Variants in OSBPL9 observed in about 807,000 individuals in gnomAD.
OSBPL9 encodes oxysterol binding protein like 9.
A neutral mutation model predicts 106.6 loss-of-function variants in OSBPL9; 40 were observed. The ratio of observed to expected loss-of-function variants is 0.38; its 90% CI spans 0.29 to 0.49. The LOEUF (loss-of-function observed/expected upper bound fraction) is 0.49. Ranked by LOEUF, OSBPL9 falls within the 20% of genes least tolerant of loss-of-function variation. The pLI is 0.97. For missense variants in OSBPL9, 609 were observed against 887.2 expected, an observed-to-expected ratio of 0.69 and a Z score of 3.98; for synonymous variants, 269 against 295.4, an observed-to-expected ratio of 0.91 and a Z score of 0.92.
intron 1 of OSBPL9, among the ~76,000 whole-genome samples, chr1:51,651,053 T>C (rs1458514321): frequency 1.3e-5 from 2 of 151,914 alleles, no homozygotes; most frequent in African/African-American, 2.4e-5. Context: ...CCAGCAATTA[T>C]AACACAGGGT....
At chr1:51,690,027 C>T (rs1457692836) in intron 3 of OSBPL9, among the ~76,000 whole-genome samples, 1 of 152,146 alleles carries the variant, frequency 6.6e-6, no homozygotes, top group Non-Finnish European at 1.5e-5. Flanking sequence ...CATCCTATTT[C>T]TAACATTTTT....
Position 51,736,762 on chromosome 1 carries a change from G to A in OSBPL9, c.319-8774G>A, listed in dbSNP as rs141002258. Reference sequence around the variant, plus strand: ...GCTTTCCAAAATGCTCTTAATCTGAGGTTGGGGAATGGAAGAATATTTTTC... The same window carrying A: ...GCTTTCCAAAATGCTCTTAATCTGAAGTTGGGGAATGGAAGAATATTTTTC... On this transcript the variant is annotated intron_variant, in intron 4 of 23. Coordinates refer to ENST00000428468, the MANE Select transcript of OSBPL9 (RefSeq NM_024586.6). Among the ~76,000 whole-genome samples, 501 of 152,194 alleles carry A rather than the reference G, an allele frequency of 3.3e-3. 1 individual carries two copies. The highest frequency in any genetic ancestry group is 0.012 in the African/African-American group (482 of 41,538).
the OSBPL9 span, among the ~76,000 whole-genome samples, chr1:51,551,950 G>A: frequency 7.2e-6 from 1 of 139,290 alleles, no homozygotes; most frequent in Admixed American, 7.1e-5. Flanking sequence ...GTTTCAGCAT[G>A]TGTAGGGTGA....
intron 4 of OSBPL9, among the ~76,000 whole-genome samples, chr1:51,725,577 T>C (rs1662965319): frequency 6.6e-6 from 1 of 152,160 alleles, no homozygotes; most frequent in Non-Finnish European, 1.5e-5. Context: ...AAGGTGTGCA[T>C]GGAGGGGAAA....
intron 1 of OSBPL9, among the ~76,000 whole-genome samples, chr1:51,643,809 G>C (rs1485411858): frequency 6.6e-6 from 1 of 151,994 alleles, no homozygotes. Context: ...GGCTGGGTAC[G>C]GTGGCTCACT....
At chr1:51,719,775 A>T (rs1372752405) in intron 4 of OSBPL9, among the ~76,000 whole-genome samples, 1 of 152,230 alleles carries the variant, frequency 6.6e-6, no homozygotes, top group Admixed American at 6.5e-5. Context: ...TTAAAATCTT[A>T]TAGAACTATA....
At chr1:51,530,168 C>T in the OSBPL9 span, among the ~76,000 whole-genome samples, 21 of 22,940 alleles carry the variant, frequency 9.2e-4, no homozygotes, top group African/African-American at 4.1e-3. Context: ...GAGACTCTGT[C>T]TCAAAAAAAA....
rs1188548353 is a variant in OSBPL9 at position 51,788,903 on chromosome 1, C to G, written c.*1114C>G. 7.1e-6 allele frequency among the ~76,000 whole-genome samples: 1 copy of G among 140,368 alleles called. No homozygotes were observed. Among genetic ancestry groups the G allele is most frequent in the Non-Finnish European group, 1.5e-5 (1 of 66,296 alleles). 92.1% of individuals were successfully genotyped at this position (140,368 alleles called of 152,430 possible). The stretch of plus-strand genomic sequence containing the variant: ...ACATTAAAAAAACAGGTATTAGTAC[C>G]TAGCATTTAGTTAGTTATTCAATAT... On this transcript the variant is annotated 3_prime_UTR_variant, in exon 24 of 24. Transcript: ENST00000428468.
chr1:51,781,819 TC>T (rs978667707), intron 16 of OSBPL9, among the ~76,000 whole-genome samples: 4 of 152,054 alleles, frequency 2.6e-5, no homozygotes, highest in Admixed American at 6.6e-5. Context: ...AGTGGCAGTG[TC>T]ATTTACTGAT....
chr1:51,657,735 A>G (rs1183637529), intron 2 of OSBPL9, among the ~76,000 whole-genome samples: 2 of 152,334 alleles, frequency 1.3e-5, no homozygotes, highest in East Asian at 3.9e-4. Flanking sequence ...ATCCTCTCCC[A>G]TACTAGTCAA....
At chr1:51,689,331 GTTTC>G (rs1007621151) in intron 3 of OSBPL9, among the ~76,000 whole-genome samples, 99 of 152,024 alleles carry the variant, frequency 6.5e-4, no homozygotes, top group African/African-American at 2.3e-3. Flanking sequence ...CCTTGCTTTA[GTTTC>G]TTTCCTGAAT....
chr1:51,654,430 A>G (rs1646700859), intron 2 of OSBPL9, among the ~76,000 whole-genome samples: 1 of 152,134 alleles, frequency 6.6e-6, no homozygotes, highest in South Asian at 2.1e-4. Context: ...TGACTGCTTG[A>G]TTATTTCCTA....
At chr1:51,778,857 A>G (rs1425141369) in intron 15 of OSBPL9, among the ~76,000 whole-genome samples, 1 of 152,244 alleles carries the variant, frequency 6.6e-6, no homozygotes, top group African/African-American at 2.4e-5. Context: ...GTGCATGTGA[A>G]ATGTTTATCA....
chr1:51,709,283 G>A, intron 3 of OSBPL9: 1 of 216,084 alleles, frequency 4.6e-6, no homozygotes, highest in Non-Finnish European at 9.8e-6. Flanking sequence ...TTCTGGAGGG[G>A]CACCTGGCCA....
At chr1:51,725,436 C>T (rs1273671392) in intron 4 of OSBPL9, among the ~76,000 whole-genome samples, 5 of 152,134 alleles carry the variant, frequency 3.3e-5, no homozygotes, top group Admixed American at 1.3e-4. Context: ...AGTCTAGTTT[C>T]GATGCTTACT....
rs1181151999 is a variant in OSBPL9 at position 51,596,560 on chromosome 1, C to CAA, written c.-422-1546_-422-1545dup. Among the ~76,000 whole-genome samples the CAA allele has an allele frequency of 1.6e-3, 45 of 28,704 alleles. 1 individual carries two copies. Among genetic ancestry groups the CAA allele is most frequent in the African/African-American group, 4.5e-3 (36 of 8,020 alleles). The allele number at this position is 28,704 out of a possible 152,430, so 18.8% of individuals were successfully genotyped here. A position where few individuals can be genotyped will look rare whatever the true frequency, so the allele number is the denominator to read the frequency against. ...GGCGAGAAGAGTGAAACTCTTGTCG[C>CAA]AAAAAAAAAAAAAAAAAAAGACCAG... On this transcript the variant is annotated intron_variant, in intron 1 of 25. Transcript: ENST00000371714.
intron 17 of OSBPL9, 36 bp downstream of exon 17, chr1:51,782,679 A>C (rs771089922): frequency 7.6e-6 from 12 of 1,587,818 alleles, no homozygotes; most frequent in African/African-American, 1.3e-5. Context: ...CTGTGCTCTC[A>C]AAACTATTCT....
chr1:51,631,206 A>G (rs1382699204), intron 1 of OSBPL9, among the ~76,000 whole-genome samples: 1 of 152,192 alleles, frequency 6.6e-6, no homozygotes, highest in Non-Finnish European at 1.5e-5. Flanking sequence ...TGTGGGAGCC[A>G]TCAGTTGTCA....
intron 8 of OSBPL9, among the ~76,000 whole-genome samples, chr1:51,752,982 A>G (rs1669586673): frequency 6.6e-6 from 1 of 152,154 alleles, no homozygotes; most frequent in South Asian, 2.1e-4. Context: ...GTTGCTTACC[A>G]TATAGGAGGT....
Sources: gnomAD v4.1 joint callset for allele counts (sites outside exome capture counted in the v4.1 genomes callset) on GRCh38, gnomAD v4.1.1 for gene constraint, MANE v1.5 for transcripts, NCBI Gene and HGNC (gene_info 2026-07-23, HGNC 2026-07-21) for gene names.